The following COL25A1 variants were observed in gnomAD, a reference collection of about 807,000 sequenced individuals.
COL25A1 encodes collagen alpha-1(XXV) chain.
COL25A1 carries 103 observed loss-of-function variants against 128.4 expected under a neutral mutation model. That is an observed-to-expected ratio of 0.80 (90% confidence interval 0.68 to 0.94). The LOEUF (loss-of-function observed/expected upper bound fraction) is 0.94. Among genes scored for constraint, COL25A1 ranks in the 40% least tolerant of loss-of-function variants. The pLI, the probability that COL25A1 is intolerant of heterozygous loss-of-function variation, is 0.00. For missense variants in COL25A1, 745 were observed against 840.0 expected (o/e 0.89, Z 1.40); for synonymous variants, 279 against 277.2 (o/e 1.01, Z -0.06).
At chr4:108,862,095 C>T (rs562236141) in intron 22 of COL25A1, among the ~76,000 whole-genome samples, 2 of 152,124 alleles carry the variant, frequency 1.3e-5, no homozygotes, top group African/African-American at 4.8e-5. Context: ...TTTCAATTGG[C>T]AGTAGAATTT....
intron 3 of COL25A1, among the ~76,000 whole-genome samples, chr4:109,060,607 TCTC>T (rs1350540605): frequency 6.6e-6 from 1 of 151,966 alleles, no homozygotes; most frequent in Admixed American, 6.6e-5. Flanking sequence ...TCTCTGAATG[TCTC>T]TCATTTGTCT....
At chr4:109,251,176 CAT>C (rs1440419467) in intron 3 of COL25A1, among the ~76,000 whole-genome samples, 1 of 152,106 alleles carries the variant, frequency 6.6e-6, no homozygotes, top group Non-Finnish European at 1.5e-5. Context: ...CACACACAAA[CAT>C]ATTCATAACA....
intron 3 of COL25A1, among the ~76,000 whole-genome samples, chr4:109,192,953 C>T (rs929506763): frequency 2.6e-5 from 4 of 152,006 alleles, no homozygotes; most frequent in African/African-American, 9.7e-5. Context: ...CGCAAGCCAA[C>T]GAAAAAGATA....
At chr4:109,049,633 AAAAC>A (rs1760794120) in intron 4 of COL25A1, among the ~76,000 whole-genome samples, 1 of 152,376 alleles carries the variant, frequency 6.6e-6, no homozygotes, top group South Asian at 2.1e-4. Flanking sequence ...CAAGAAGGAT[AAAAC>A]ATTCCCAAAT....
At chr4:109,104,992 A>G (rs781254907) in intron 3 of COL25A1, among the ~76,000 whole-genome samples, 32 of 152,190 alleles carry the variant, frequency 2.1e-4, no homozygotes, top group Non-Finnish European at 4.3e-4. Flanking sequence ...TTACAGATAA[A>G]TATTGAAATG....
At position 109,264,667 on chromosome 4, in the gene COL25A1, T is replaced by C. The variant is rs144167261; in HGVS notation, c.367+35916A>G. Reference sequence around the variant, plus strand: ...AGATTCAGTGGGGAATGGGGAATGATAGATTCAGTCTGAGCCATTTTTAAT... The same window carrying C: ...AGATTCAGTGGGGAATGGGGAATGACAGATTCAGTCTGAGCCATTTTTAAT... On this transcript the variant is annotated intron_variant, in intron 3 of 37. Transcript: ENST00000399132. 5.0e-4 allele frequency among the ~76,000 whole-genome samples: 76 copies of C among 152,310 alleles called. 1 individual carries two copies. The highest frequency in any genetic ancestry group is 1.6e-3 in the African/African-American group (68 of 41,566).
chr4:109,082,385 G>A (rs1437954546), intron 3 of COL25A1, among the ~76,000 whole-genome samples: 1 of 152,182 alleles, frequency 6.6e-6, no homozygotes, highest in East Asian at 1.9e-4. Flanking sequence ...CTGCCAGACT[G>A]TTTTCCAAAG....
intron 3 of COL25A1, among the ~76,000 whole-genome samples, chr4:109,153,119 C>T (rs551258672): frequency 2.6e-4 from 40 of 152,226 alleles, no homozygotes; most frequent in South Asian, 6.2e-4. Context: ...GGCGCAGTGG[C>T]TCATGCCTGT....
At chr4:109,102,698 T>G (rs1766015748) in intron 3 of COL25A1, among the ~76,000 whole-genome samples, 1 of 152,180 alleles carries the variant, frequency 6.6e-6, no homozygotes, top group Non-Finnish European at 1.5e-5. Flanking sequence ...TACATATACA[T>G]TTAGGATTGT....
chr4:109,250,662 C>A (rs186393123), intron 3 of COL25A1, among the ~76,000 whole-genome samples: 9 of 152,268 alleles, frequency 5.9e-5, no homozygotes, highest in Admixed American at 4.6e-4. Flanking sequence ...TCTATTCAGG[C>A]CTTTCAGTGG....
chr4:108,960,310 T>G (rs1175365860), intron 8 of COL25A1, among the ~76,000 whole-genome samples: 7 of 152,052 alleles, frequency 4.6e-5, no homozygotes, highest in Non-Finnish European at 8.8e-5. Context: ...ACACATTTTT[T>G]AAAAAACGAA....
At chr4:109,149,004 T>C (rs1771214007) in intron 3 of COL25A1, among the ~76,000 whole-genome samples, 2 of 152,324 alleles carry the variant, frequency 1.3e-5, no homozygotes, top group African/African-American at 4.8e-5. Context: ...ACAAGATAAG[T>C]CAACTGCTCT....
At chr4:108,887,817 G>A (rs112485124) in intron 18 of COL25A1, among the ~76,000 whole-genome samples, 1 of 152,062 alleles carries the variant, frequency 6.6e-6, no homozygotes, top group African/African-American at 2.4e-5. Context: ...GTTTGTTTTG[G>A]TTTATTTTTT....
In COL25A1 at chr4:109,261,432, G is replaced by A. The variant is rs537475243; in HGVS notation, c.367+39151C>T. 3.3e-5 allele frequency among the ~76,000 whole-genome samples: 5 copies of A among 152,272 alleles called. No individual in the cohort carries two copies. The East Asian group carries it at 5.8e-4, about 18-fold the overall frequency. On this transcript the variant is annotated intron_variant, in intron 3 of 37. Coordinates refer to ENST00000399132, the MANE Select transcript of COL25A1 (RefSeq NM_198721.4). The stretch of plus-strand genomic sequence containing the variant: ...CTTGGGAGGCTGAGACACAAGAATC[G>A]CTTGAACCTGGGTGAGTGTCAGGGA...
rs571585148 is a variant in COL25A1, at chr4:109,204,673, C to G, written c.367+95910G>C. 2.3e-3 allele frequency among the ~76,000 whole-genome samples: 343 copies of G among 152,154 alleles called. 1 individual carries two copies. The highest frequency in any genetic ancestry group is 7.6e-3 in the African/African-American group (315 of 41,508). ...CAGACACAGCATGACTACTTTGTTT[C>G]AACAACAGAAAGCAGGAAGAGATTT... On this transcript the variant is annotated intron_variant, in intron 3 of 37. Transcript: ENST00000399132.
At chr4:108,826,995 G>C (rs902895438) in intron 33 of COL25A1, 140 bp downstream of exon 33, 1 of 730,330 alleles carries the variant, frequency 1.4e-6, no homozygotes, top group Non-Finnish European at 2.4e-6. Flanking sequence ...GGACATGGAA[G>C]TACTGAATTT....
At chr4:109,243,070 T>C (rs1460913065) in intron 3 of COL25A1, among the ~76,000 whole-genome samples, 1 of 152,158 alleles carries the variant, frequency 6.6e-6, no homozygotes, top group East Asian at 1.9e-4. Context: ...ATTTCTTTTA[T>C]AAAATTTTTG....
At chr4:109,211,225 T>C (rs1291146976) in intron 3 of COL25A1, among the ~76,000 whole-genome samples, 2 of 100,904 alleles carry the variant, frequency 2.0e-5, no homozygotes, top group Non-Finnish European at 3.4e-5. Flanking sequence ...ATATATATTG[T>C]GTGTGTGTAT....
chr4:109,300,700 G>T, intron 2 of COL25A1, 48 bp from the exon 3 acceptor site: 2 of 1,334,712 alleles, frequency 1.5e-6, no homozygotes, highest in South Asian at 1.2e-5. Context: ...CACTGTAGAG[G>T]GATGGAGTCT....
Sources: allele counts gnomAD v4.1 joint callset (sites outside exome capture counted in the v4.1 genomes callset), GRCh38; gene constraint gnomAD v4.1.1; transcripts MANE v1.5; gene names NCBI Gene and HGNC (gene_info 2026-07-23, HGNC 2026-07-21).